SLC35F3: variants seen among roughly 807,000 people sequenced by gnomAD.
SLC35F3 encodes the protein solute carrier family 35 member F3, also known as putative thiamine transporter SLC35F3.
SLC35F3 carries 25 observed loss-of-function variants against 49.9 expected under a neutral mutation model. The ratio of observed to expected loss-of-function variants is 0.50; its 90% CI spans 0.37 to 0.70. The LOEUF is 0.70. SLC35F3 is among the 30% of genes least tolerant of loss of function. The probability of loss-of-function intolerance (pLI) is 0.00; values close to 1 mark genes in which losing one functional copy is unlikely to be tolerated. For missense variants in SLC35F3, 525 were observed against 639.8 expected, an observed-to-expected ratio of 0.82 and a Z score of 1.94; for synonymous variants, 275 against 265.4, an observed-to-expected ratio of 1.04 and a Z score of -0.35.
intron 2 of SLC35F3, among the ~76,000 whole-genome samples, chr1:234,082,628 C>T (rs1276574914): frequency 6.6e-6 from 1 of 152,130 alleles, no homozygotes; most frequent in Non-Finnish European, 1.5e-5. Context: ...TTTCACACTG[C>T]TGATGAAGAC....
At chr1:233,968,547 G>A (rs1312075964) in intron 2 of SLC35F3, among the ~76,000 whole-genome samples, 3 of 151,744 alleles carry the variant, frequency 2.0e-5, no homozygotes, top group South Asian at 2.1e-4. Context: ...GAGTGTGGTG[G>A]CATAATCTTG....
intron 2 of SLC35F3, among the ~76,000 whole-genome samples, chr1:233,907,742 G>A (rs150717486): frequency 0.028 from 4,178 of 151,870 alleles, 125 homozygotes; most frequent in East Asian, 0.15. Flanking sequence ...TTTTTGAGAG[G>A]GAGTCTCACT....
intron 2 of SLC35F3, among the ~76,000 whole-genome samples, chr1:234,120,421 G>A (rs1306256865): frequency 6.6e-6 from 1 of 152,272 alleles, no homozygotes; most frequent in East Asian, 1.9e-4. Context: ...TTCAGAAACC[G>A]TGCTCAGCAT....
chr1:234,236,209 G>A (rs1462905464), intron 3 of SLC35F3, among the ~76,000 whole-genome samples: 1 of 152,116 alleles, frequency 6.6e-6, no homozygotes, highest in East Asian at 1.9e-4. Flanking sequence ...GGTGGGCTGA[G>A]GAGGGCAGAT....
At position 234,231,451 on chromosome 1, in the gene SLC35F3, G is replaced by A. The variant is rs752441220; in HGVS notation, c.318G>A (p.Ala106=). ...EERPRDSPGP[A]EAQAPAGVEA... is the part of the protein sequence containing the mutation. ...GCCCCCGGGACTCCCCGGGCCCGGC[G>A]GAGGCCCAGGCACCGGCCGGGGTGG... is the stretch of plus-strand genomic sequence containing the variant. Residue 106 remains alanine, a synonymous_variant, in exon 3 of 8, where the codon GCG becomes GCA. Coordinates refer to ENST00000366618, the MANE Select transcript of SLC35F3 (RefSeq NM_173508.4). The surrounding 1 kb of genome is among the most constrained non-coding windows in gnomAD (Gnocchi z 5.4). The A allele has an allele frequency of 6.2e-6, 10 of 1,606,730 alleles. No individual in the cohort carries two copies. The highest frequency in any genetic ancestry group is 5.4e-5 in the African/African-American group (4 of 74,738).
chr1:233,906,670 T>G (rs1307464143), intron 2 of SLC35F3, among the ~76,000 whole-genome samples: 6 of 152,214 alleles, frequency 3.9e-5, no homozygotes, highest in African/African-American at 1.4e-4. Context: ...TTTGAGTTTT[T>G]TTCGACCTTT....
intron 3 of SLC35F3, among the ~76,000 whole-genome samples, chr1:234,240,625 C>T (rs1667540421): frequency 1.3e-5 from 2 of 151,366 alleles, no homozygotes; most frequent in South Asian, 4.2e-4. Context: ...ATAAAAAAGC[C>T]AAATATGTAT....
At chr1:233,984,691 G>A (rs1403396997) in intron 2 of SLC35F3, among the ~76,000 whole-genome samples, 1 of 152,112 alleles carries the variant, frequency 6.6e-6, no homozygotes, top group African/African-American at 2.4e-5. Context: ...CTCCCTCCAG[G>A]ACCCTCAGGA....
chr1:233,996,386 G>A (rs1461774390), intron 2 of SLC35F3, among the ~76,000 whole-genome samples: 1 of 152,142 alleles, frequency 6.6e-6, no homozygotes, highest in African/African-American at 2.4e-5. Flanking sequence ...ATTTGAGGAG[G>A]ATCTTGGAAC....
chr1:234,124,854 A>T (rs183856741), intron 2 of SLC35F3, among the ~76,000 whole-genome samples: 1 of 102,648 alleles, frequency 9.7e-6, no homozygotes, highest in Non-Finnish European at 2.7e-5. Context: ...TTTAAAAACA[A>T]GAGAGAAATT....
chr1:233,926,244 A>G (rs1051963850), intron 2 of SLC35F3, among the ~76,000 whole-genome samples: 1 of 152,080 alleles, frequency 6.6e-6, no homozygotes, highest in African/African-American at 2.4e-5. Flanking sequence ...ACTCGGTTCC[A>G]TTCTCCCTGT....
intron 2 of SLC35F3, among the ~76,000 whole-genome samples, chr1:234,203,741 C>G (rs1018587440): frequency 6.6e-6 from 1 of 151,992 alleles, no homozygotes; most frequent in South Asian, 2.1e-4. Flanking sequence ...TCAACCCAAT[C>G]CCCCAGTGAA....
intron 2 of SLC35F3, among the ~76,000 whole-genome samples, chr1:234,107,637 G>T (rs1460256591): frequency 2.0e-5 from 2 of 100,336 alleles, no homozygotes; most frequent in Non-Finnish European, 4.2e-5. Context: ...TTTACATAGA[G>T]CTCCTGGCTC....
intron 2 of SLC35F3, among the ~76,000 whole-genome samples, chr1:233,978,800 C>T (rs998853123): frequency 5.9e-5 from 9 of 152,178 alleles, no homozygotes; most frequent in South Asian, 4.2e-4. Context: ...GAGGCCGAGG[C>T]GGGCGGATCA....
intron 2 of SLC35F3, among the ~76,000 whole-genome samples, chr1:234,004,615 G>T (rs184613054): frequency 2.0e-5 from 3 of 151,966 alleles, no homozygotes; most frequent in Admixed American, 6.6e-5. Flanking sequence ...ATTTTGAAAA[G>T]AAAAACTTGT....
At chr1:234,101,055 C>T (rs1331516561) in intron 2 of SLC35F3, among the ~76,000 whole-genome samples, 1 of 152,028 alleles carries the variant, frequency 6.6e-6, no homozygotes, top group African/African-American at 2.4e-5. Context: ...TGGCCTCCTC[C>T]CATACCTTTC....
chr1:234,096,327 C>T (rs996190211), intron 2 of SLC35F3, among the ~76,000 whole-genome samples: 4 of 152,196 alleles, frequency 2.6e-5, no homozygotes, highest in African/African-American at 4.8e-5. Flanking sequence ...CTTCTCCCTC[C>T]GTTTGGCTAC....
At chr1:234,104,015 G>T (rs543824003) in intron 2 of SLC35F3, among the ~76,000 whole-genome samples, 7 of 152,306 alleles carry the variant, frequency 4.6e-5, no homozygotes, top group African/African-American at 1.7e-4. Context: ...CACCACAAGT[G>T]TATAAAAATG....
intron 2 of SLC35F3, among the ~76,000 whole-genome samples, chr1:234,008,637 T>C (rs940302198): frequency 1.3e-5 from 2 of 152,222 alleles, no homozygotes; most frequent in African/African-American, 4.8e-5. Context: ...AATGTTATAC[T>C]TCATTAAACA....
Sources: gnomAD v4.1 joint callset for allele counts (sites outside exome capture counted in the v4.1 genomes callset) on GRCh38, gnomAD v4.1.1 for gene constraint, Gnocchi (gnomAD v3.1) non-coding constraint, MANE v1.5 for transcripts, NCBI Gene and HGNC (gene_info 2026-07-23, HGNC 2026-07-21) for gene names.